DIP2C: variants seen among roughly 807,000 people sequenced by gnomAD.
DIP2C encodes the protein disco-interacting protein 2 homolog C.
DIP2C carries 33 observed loss-of-function variants against 192.4 expected under a neutral mutation model. That is an observed-to-expected ratio of 0.17 (90% CI 0.13 to 0.23). DIP2C has a LOEUF of 0.23. Ranked by LOEUF, DIP2C falls within the 10% of genes least tolerant of loss-of-function variation. The pLI is 1.00. For missense variants in DIP2C, 1,537 were observed against 2,110.1 expected (o/e 0.73, Z 5.32); for synonymous variants, 979 against 864.1 (o/e 1.13, Z -2.33).
intron 24 of DIP2C, among the ~76,000 whole-genome samples, chr10:349,892 G>C (rs1378433571): frequency 6.6e-6 from 1 of 152,086 alleles, no homozygotes; most frequent in Non-Finnish European, 1.5e-5. Context: ...AAAAATCAAG[G>C]AAGTCAGAAA....
At chr10:413,853 C>T (rs531642802) in intron 8 of DIP2C, 60 bp downstream of exon 8, 632 of 1,562,342 alleles carry the variant, frequency 4.0e-4, no homozygotes, top group Admixed American at 1.1e-3. Flanking sequence ...GAGTTTCCTG[C>T]GTTCGGGAGT....
At chr10:536,677 AG>A (rs574325063) in intron 1 of DIP2C, among the ~76,000 whole-genome samples, 2 of 152,132 alleles carry the variant, frequency 1.3e-5, no homozygotes, top group African/African-American at 2.4e-5. Context: ...TGCTCTGTGG[AG>A]GGGGGGCCAT....
At chr10:337,659 G>A (rs1957912515) in intron 29 of DIP2C, among the ~76,000 whole-genome samples, 1 of 148,462 alleles carries the variant, frequency 6.7e-6, no homozygotes, top group Non-Finnish European at 1.5e-5. Flanking sequence ...GTAGGCCGGT[G>A]TGTGTACGCG....
intron 13 of DIP2C, among the ~76,000 whole-genome samples, chr10:389,472 A>C (rs1963280118): frequency 6.6e-6 from 1 of 151,932 alleles, no homozygotes; most frequent in South Asian, 2.1e-4. Context: ...CAATGCAGAG[A>C]CTCTGACTCA....
At chr10:657,922 T>C (rs778839426) in intron 1 of DIP2C, among the ~76,000 whole-genome samples, 1,651 of 58,574 alleles carry the variant, frequency 0.028, 1 homozygote, top group Admixed American at 0.07. Flanking sequence ...ACTGGACCTG[T>C]CCCTGGACCT....
Position 454,007 on chromosome 10 carries a change from C to T in DIP2C, c.269-13011G>A, listed in dbSNP as rs72772901. Among the ~76,000 whole-genome samples, 321 of 152,346 alleles carry T rather than the reference C, an allele frequency of 2.1e-3. 2 individuals are homozygous for T. The highest frequency in any genetic ancestry group is 3.8e-3 in the Non-Finnish European group (260 of 68,034). On this transcript the variant is annotated intron_variant, in intron 3 of 36. Transcript: ENST00000280886. ...TCTGTCACACTTCACAAACACAACT[C>T]AACAGAATTTGCAGGACTCAGATCC...
At chr10:484,958 G>T in intron 2 of DIP2C, 1 of 1,597,296 alleles carries the variant, frequency 6.3e-7, no homozygotes, top group African/African-American at 1.3e-5. Context: ...GCTGTAACAA[G>T]TTGAAAAAAA....
At chr10:628,873 A>ATG (rs1323955776) in intron 1 of DIP2C, 2 of 152,500 alleles carry the variant, frequency 1.3e-5, no homozygotes, top group Admixed American at 6.5e-5. Flanking sequence ...TCCCCACCAG[A>ATG]TGCCAGGGGC....
rs564613328 is a variant in DIP2C, at chr10:559,955, GGTTCTCACCTCTCCCCCCCACTCCT to G, written c.86-73450_86-73426del. ...TTCCCCTTGATGAACTCATTGCTCC[GGTTCTCACCTCTCCCCCCCACTCCT>G]GTTCTCCTCTCCCCCCGATCCAGTT... On this transcript the variant is annotated intron_variant, in intron 1 of 36. Coordinates refer to ENST00000280886, the MANE Select transcript of DIP2C (RefSeq NM_014974.3). Among the ~76,000 whole-genome samples, 731 of 151,830 alleles carry G rather than the reference GGTTCTCACCTCTCCCCCCCACTCCT, an allele frequency of 4.8e-3. 5 individuals are homozygous for G. Among genetic ancestry groups the G allele is most frequent in the African/African-American group, 0.016 (678 of 41,380 alleles).
rs764266530 is a variant in DIP2C, at chr10:440,880, T to A, written c.385A>T (p.Thr129Ser). Residue 129 changes from threonine to serine, a missense_variant, in exon 4 of 37, where the codon ACC becomes TCC. Physicochemically the swap from Thr to Ser is moderately conservative, Grantham distance 58. Coordinates refer to ENST00000280886, the MANE Select transcript of DIP2C (RefSeq NM_014974.3). Reference sequence around the variant, plus strand: ...GGAGCGTGTCCCTTACCTGGAGGGGTGTAGGCGTCCATCGAGGTCTGCACG... The same window carrying A: ...GGAGCGTGTCCCTTACCTGGAGGGGAGTAGGCGTCCATCGAGGTCTGCACG... ...LVVQTSMDAY[T>S]PPDTSSGSED... is the part of the protein sequence containing the mutation. The A allele has an allele frequency of 6.2e-7, 1 of 1,612,180 alleles. No individual in the cohort carries two copies. The highest frequency in any genetic ancestry group is 1.7e-5 in the Admixed American group (1 of 59,974).
rs940777065 is a variant in DIP2C, at chr10:537,220, G to C, written c.86-50690C>G. ...GCCCCTGTGACAACCTCACCACACAGAGGCAAGGCCGTATGAAGGAGGCAG... is the reference window on the plus strand; with the variant it reads ...GCCCCTGTGACAACCTCACCACACACAGGCAAGGCCGTATGAAGGAGGCAG... On this transcript the variant is annotated intron_variant, in intron 1 of 36. Coordinates refer to ENST00000280886, the MANE Select transcript of DIP2C (RefSeq NM_014974.3). Among the ~76,000 whole-genome samples, 3 of 152,082 alleles carry C rather than the reference G, an allele frequency of 2.0e-5. No individual in the cohort carries two copies. The East Asian group carries it at 5.8e-4, about 29-fold the overall frequency.
chr10:537,902 G>A (rs1847781625), intron 1 of DIP2C, among the ~76,000 whole-genome samples: 1 of 151,658 alleles, frequency 6.6e-6, no homozygotes, highest in African/African-American at 2.4e-5. Flanking sequence ...CGATTCTCCT[G>A]CCTCAGCCTC....
intron 1 of DIP2C, among the ~76,000 whole-genome samples, chr10:569,317 T>C (rs557961433): frequency 5.9e-5 from 9 of 152,338 alleles, no homozygotes; most frequent in East Asian, 1.9e-4. Context: ...AGTCACACTT[T>C]TGAACAACCC....
At chr10:385,116 C>G (rs1384799573) in intron 14 of DIP2C, among the ~76,000 whole-genome samples, 2 of 149,952 alleles carry the variant, frequency 1.3e-5, no homozygotes, top group Non-Finnish European at 3.0e-5. Flanking sequence ...GGAGAAGCAG[C>G]TCTCATGGAG....
At chr10:687,815 T>C (rs1313598055) in intron 1 of DIP2C, among the ~76,000 whole-genome samples, 1 of 152,112 alleles carries the variant, frequency 6.6e-6, no homozygotes. Context: ...TGGGAACAAA[T>C]GTGGGTCCAA....
chr10:573,308 GGAT>G (rs1408264745), intron 1 of DIP2C, among the ~76,000 whole-genome samples: 4 of 152,028 alleles, frequency 2.6e-5, no homozygotes, highest in Non-Finnish European at 4.4e-5. Flanking sequence ...GAAAAAACAG[GGAT>G]GATTAAGAAA....
At chr10:523,172 T>C (rs1846819531) in intron 1 of DIP2C, among the ~76,000 whole-genome samples, 1 of 143,782 alleles carries the variant, frequency 7.0e-6, no homozygotes, top group African/African-American at 2.7e-5. Flanking sequence ...GGAGTGAAGA[T>C]GCAGGGACTC....
At chr10:425,061 C>A (rs1355111647) in intron 4 of DIP2C, among the ~76,000 whole-genome samples, 1 of 99,476 alleles carries the variant, frequency 1.0e-5, no homozygotes, top group East Asian at 3.5e-4. Flanking sequence ...ACTAATATGA[C>A]ACGGATGATA....
At chr10:580,434 T>C (rs1223096641) in intron 1 of DIP2C, among the ~76,000 whole-genome samples, 2 of 152,226 alleles carry the variant, frequency 1.3e-5, no homozygotes, top group Admixed American at 6.5e-5. Flanking sequence ...GGTACATATA[T>C]GGCGTTAAAT....
Sources: allele counts gnomAD v4.1 joint callset (sites outside exome capture counted in the v4.1 genomes callset), GRCh38; gene constraint gnomAD v4.1.1; transcripts MANE v1.5; gene names NCBI Gene and HGNC (gene_info 2026-07-23, HGNC 2026-07-21).